CFAP46: variants seen among roughly 807,000 people sequenced by gnomAD.
CFAP46 encodes the protein cilia and flagella associated protein 46, also known as cilia- and flagella-associated protein 46.
Under a neutral mutation model 325.7 loss-of-function variants are expected in CFAP46, and 245 were observed. The ratio of observed to expected loss-of-function variants is 0.75; its 90% CI spans 0.68 to 0.84. The LOEUF (loss-of-function observed/expected upper bound fraction) is 0.84. Ranked by LOEUF, CFAP46 falls within the 40% of genes least tolerant of loss-of-function variation. CFAP46 has a pLI of 0.00. For synonymous variants in CFAP46, 1,523 were observed against 1,495.9 expected (o/e 1.02, Z -0.42); for missense variants, 3,346 against 3,543.0 (o/e 0.94, Z 1.41).
intron 50 of CFAP46, among the ~76,000 whole-genome samples, chr10:132,823,771 G>A (rs1270843494): frequency 8.3e-6 from 1 of 120,860 alleles, no homozygotes; most frequent in Non-Finnish European, 1.9e-5. Context: ...TGTGTGCTGT[G>A]TGCTGTGTGT....
rs1050694621 is a variant in CFAP46 at position 132,919,957 on chromosome 10, G to A, written c.1730+102C>T. ...CAGGTGGCCTGGCGAGTCCCCAGACGGCCACATGCAGGGTCAGCTCAGCCG... is the reference window on the plus strand; with the variant it reads ...CAGGTGGCCTGGCGAGTCCCCAGACAGCCACATGCAGGGTCAGCTCAGCCG... On this transcript the variant is annotated intron_variant, in intron 14 of 57. Coordinates refer to ENST00000368586, the MANE Select transcript of CFAP46 (RefSeq NM_001200049.3). The surrounding 1 kb of genome is among the most constrained non-coding windows in gnomAD (Gnocchi z 9.7). 3.0e-5 allele frequency: 41 copies of A among 1,380,036 alleles called. No homozygotes were observed. Among genetic ancestry groups the A allele is most frequent in the Non-Finnish European group, 3.6e-5 (38 of 1,060,730 alleles). The allele number at this position is 1,380,036 out of a possible 1,614,324, so 85.5% of individuals were successfully genotyped here. A position where few individuals can be genotyped will look rare whatever the true frequency, so the allele number is the denominator to read the frequency against.
At chr10:132,929,612 C>T (rs777100751) in intron 9 of CFAP46, 93 bp downstream of exon 9, 1 of 1,207,526 alleles carries the variant, frequency 8.3e-7, no homozygotes, top group South Asian at 1.2e-5. Context: ...GGGGCCGTGG[C>T]CTGGTGAACT....
At chr10:132,901,548 G>T (rs12780388) in intron 22 of CFAP46, among the ~76,000 whole-genome samples, 39,827 of 152,086 alleles carry the variant, frequency 0.26, 6,379 homozygotes, top group Admixed American at 0.45. Flanking sequence ...GAGGGCCCTC[G>T]GAATCGCTGC....
At chr10:132,910,606 T>C (rs1433215099) in intron 19 of CFAP46, among the ~76,000 whole-genome samples, 1 of 152,168 alleles carries the variant, frequency 6.6e-6, no homozygotes, top group Admixed American at 6.5e-5. Flanking sequence ...AGTCTATGGG[T>C]CGTCGTGAGG....
rs75239354 is a variant in CFAP46, at chr10:132,864,605, C to T, written c.4890+1420G>A. Among the ~76,000 whole-genome samples, 134 of 26,084 alleles carry T rather than the reference C, an allele frequency of 5.1e-3. 3 individuals are homozygous for T. The highest frequency in any genetic ancestry group is 5.5e-3 in the African/African-American group (25 of 4,516). The allele number at this position is 26,084 out of a possible 152,430, so 17.1% of individuals were successfully genotyped here. On this transcript the variant is annotated intron_variant, in intron 35 of 57. Coordinates refer to ENST00000368586, the MANE Select transcript of CFAP46 (RefSeq NM_001200049.3). ...CCTGCCTGAGACCTGCACACACCTGCCCTCAGTGCCCGAGACTTGCACACA... is the reference window on the plus strand; with the variant it reads ...CCTGCCTGAGACCTGCACACACCTGTCCTCAGTGCCCGAGACTTGCACACA...
intron 8 of CFAP46, among the ~76,000 whole-genome samples, chr10:132,930,176 G>A (rs1382032064): frequency 6.6e-6 from 1 of 152,126 alleles, no homozygotes; most frequent in Non-Finnish European, 1.5e-5. Context: ...ACCCACATCT[G>A]CAGCTCAGCG....
chr10:132,908,743 G>A, intron 21 of CFAP46, 109 bp from the exon 22 acceptor site: 1 of 1,337,524 alleles, frequency 7.5e-7, no homozygotes, highest in Non-Finnish European at 9.9e-7. Flanking sequence ...CAGAGGCGTG[G>A]CCTGTGAAGG....
intron 44 of CFAP46, among the ~76,000 whole-genome samples, chr10:132,842,264 C>T (rs927356879): frequency 2.6e-5 from 4 of 152,204 alleles, no homozygotes; most frequent in Admixed American, 6.5e-5. Flanking sequence ...AGCTGTTCCA[C>T]GTGGACAGTT....
chr10:132,897,575 G>A (rs996528634), intron 24 of CFAP46, among the ~76,000 whole-genome samples: 3 of 152,256 alleles, frequency 2.0e-5, no homozygotes, highest in African/African-American at 7.2e-5. Context: ...GCTGGGCAGC[G>A]CCAGTGGGAG....
chr10:132,823,563 G>C (rs1254741656), intron 50 of CFAP46, among the ~76,000 whole-genome samples: 1 of 107,058 alleles, frequency 9.3e-6, no homozygotes, highest in Non-Finnish European at 1.9e-5. Context: ...GATGTGTGCT[G>C]ATGTGTGCTG....
intron 37 of CFAP46, among the ~76,000 whole-genome samples, chr10:132,860,143 G>A (rs1437868126): frequency 6.6e-6 from 1 of 152,234 alleles, no homozygotes; most frequent in East Asian, 1.9e-4. Flanking sequence ...TAGAGGAAAA[G>A]GTTTCCCAGG....
intron 41 of CFAP46, among the ~76,000 whole-genome samples, chr10:132,848,878 C>A (rs1300527106): frequency 6.6e-6 from 1 of 152,180 alleles, no homozygotes; most frequent in African/African-American, 2.4e-5. Flanking sequence ...GACAACGTGA[C>A]CAGCAACCCT....
intron 24 of CFAP46, among the ~76,000 whole-genome samples, chr10:132,897,992 T>TCC (rs201281728): frequency 7.1e-4 from 65 of 91,108 alleles, no homozygotes; most frequent in Admixed American, 4.8e-3. Flanking sequence ...GGTGCCCCAC[T>TCC]CCCGTCCTCC....
intron 44 of CFAP46, 80 bp from the exon 45 acceptor site, chr10:132,836,994 G>A: frequency 3.5e-6 from 4 of 1,143,236 alleles, no homozygotes; most frequent in East Asian, 4.7e-5. Context: ...ATTTCCAGGA[G>A]ACCTCGTGGC....
intron 50 of CFAP46, among the ~76,000 whole-genome samples, chr10:132,826,693 G>A (rs1240921909): frequency 7.6e-5 from 11 of 144,876 alleles, no homozygotes; most frequent in Admixed American, 7.1e-4. Context: ...GACCAGCCAC[G>A]GAGCCAGGCA....
intron 16 of CFAP46, among the ~76,000 whole-genome samples, chr10:132,917,753 A>G (rs1455217952): frequency 6.6e-6 from 1 of 152,182 alleles, no homozygotes; most frequent in Non-Finnish European, 1.5e-5. Context: ...AGAAGGTTCT[A>G]TGACAATAAA....
chr10:132,835,844 C>CCCGCTCCCCTCCCGAAA (rs1848232091), intron 46 of CFAP46, among the ~76,000 whole-genome samples: 10 of 148,830 alleles, frequency 6.7e-5, no homozygotes, highest in Admixed American at 6.7e-4. Flanking sequence ...TGCTCCCGCC[C>CCCGCTCCCCTCCCGAAA]CCGCTCCCCT....
chr10:132,847,108 T>TC lies in CFAP46; in HGVS notation c.6090dup (p.Arg2031GlufsTer125). ...AGGTACTGCTGGGCCAGAACCATCC[T>TC]CCTCTGTGGGGCACAAGGCTCAGGC... On this transcript the variant is annotated frameshift_variant, in exon 43 of 58. Transcript: ENST00000368586. LOFTEE classifies it high-confidence loss of function. The surrounding 1 kb of genome is among the most constrained non-coding windows in gnomAD (Gnocchi z 5.2). 1 of 1,609,566 alleles carries TC rather than the reference T, an allele frequency of 6.2e-7. No individual in the cohort carries two copies. Among genetic ancestry groups the TC allele is most frequent in the South Asian group, 1.1e-5 (1 of 90,808 alleles).
Position 132,928,398 on chromosome 10 carries a change from C to T in CFAP46, c.966+1307G>A, listed in dbSNP as rs547345548. ...GAGCCTCCCACGCTGCTCCCATCCT[C>T]CGTGCGGCATGGGCTGCTGTTTCCA... On this transcript the variant is annotated intron_variant, in intron 9 of 57. Coordinates refer to ENST00000368586, the MANE Select transcript of CFAP46 (RefSeq NM_001200049.3). Among the ~76,000 whole-genome samples, 37 of 152,378 alleles carry T rather than the reference C, an allele frequency of 2.4e-4. 1 individual carries two copies. The highest frequency in any genetic ancestry group is 4.6e-4 in the Non-Finnish European group (31 of 68,030).
Sources: allele counts gnomAD v4.1 joint callset (sites outside exome capture counted in the v4.1 genomes callset), GRCh38; gene constraint gnomAD v4.1.1; non-coding constraint Gnocchi (gnomAD v3.1); transcripts MANE v1.5; gene names NCBI Gene and HGNC (gene_info 2026-07-23, HGNC 2026-07-21).